WWOX: variants seen among roughly 807,000 people sequenced by gnomAD.
WWOX encodes the protein WW domain containing oxidoreductase.
WWOX carries 69 observed loss-of-function variants against 46.2 expected under a neutral mutation model. The ratio of observed to expected loss-of-function variants is 1.49; its 90% CI spans 1.23 to 1.82. The LOEUF (loss-of-function observed/expected upper bound fraction) is 1.82, where lower values mean the gene tolerates loss of function less well. Among genes scored for constraint, WWOX ranks in the 40% most tolerant of loss-of-function variants. The pLI, the probability that WWOX is intolerant of heterozygous loss-of-function variation, is 0.00. For synonymous variants in WWOX, 359 were observed against 202.6 expected (o/e 1.77, Z -6.56); for missense variants, 919 against 542.6 (o/e 1.69, Z -6.89).
chr16:78,261,734 CCA>C (rs2079237502), intron 5 of WWOX, among the ~76,000 whole-genome samples: 1 of 138,870 alleles, frequency 7.2e-6, no homozygotes, highest in Non-Finnish European at 1.5e-5. Flanking sequence ...GGCCCATTTG[CCA>C]TGTGTGTGTG....
At chr16:78,143,267 C>T (rs576434613) in intron 4 of WWOX, among the ~76,000 whole-genome samples, 6 of 152,218 alleles carry the variant, frequency 3.9e-5, no homozygotes, top group Non-Finnish European at 5.9e-5. Context: ...GGTTGTCATC[C>T]ACATGGGTTC....
chr16:78,569,816 C>T (rs2044668229), intron 8 of WWOX, among the ~76,000 whole-genome samples: 1 of 152,160 alleles, frequency 6.6e-6, no homozygotes, highest in Non-Finnish European at 1.5e-5. Flanking sequence ...TCTTTGGGAG[C>T]TGCTAATAAA....
intron 8 of WWOX, among the ~76,000 whole-genome samples, chr16:79,051,937 C>T (rs1368417011): frequency 6.6e-6 from 1 of 152,210 alleles, no homozygotes; most frequent in African/African-American, 2.4e-5. Context: ...TGTTCCTCTT[C>T]CTTATTTGAA....
chr16:78,416,983 G>C (rs1172379735), intron 6 of WWOX, among the ~76,000 whole-genome samples: 1 of 151,704 alleles, frequency 6.6e-6, no homozygotes, highest in Non-Finnish European at 1.5e-5. Flanking sequence ...ATTTCAGGGA[G>C]CTTATGTAAG....
intron 8 of WWOX, among the ~76,000 whole-genome samples, chr16:78,921,773 C>T (rs539492638): frequency 1.5e-3 from 228 of 152,272 alleles, no homozygotes; most frequent in African/African-American, 4.9e-3. Flanking sequence ...AGTTAGAAGG[C>T]ATGATGCCCA....
intron 6 of WWOX, among the ~76,000 whole-genome samples, chr16:78,411,464 C>T (rs1412536173): frequency 1.3e-5 from 2 of 152,048 alleles, no homozygotes; most frequent in Admixed American, 6.6e-5. Flanking sequence ...AATAAAGACC[C>T]AGACTTAATC....
intron 8 of WWOX, among the ~76,000 whole-genome samples, chr16:78,885,540 T>C (rs1021871730): frequency 7.9e-5 from 12 of 152,222 alleles, no homozygotes; most frequent in African/African-American, 2.9e-4. Flanking sequence ...TATGGGCAGA[T>C]TGTGAGAAAT....
rs1205844447 is a variant in WWOX at position 78,819,613 on chromosome 16, C to T, written c.1056+386861C>T. ...AGCCCTGTTTTGCAAGGAGCAGCAC[C>T]TCTGCTCCTGTTGTACACTGTCCCT... On this transcript the variant is annotated intron_variant, in intron 8 of 8. Transcript: ENST00000566780. Among the ~76,000 whole-genome samples, 16 of 139,378 alleles carry T rather than the reference C, an allele frequency of 1.1e-4. No homozygotes were observed. The South Asian group carries it at 3.6e-3, about 31-fold the overall frequency. 91.4% of individuals were successfully genotyped at this position (139,378 alleles called of 152,430 possible). A position where few individuals can be genotyped will look rare whatever the true frequency, so the allele number is the denominator to read the frequency against.
chr16:78,840,184 G>A (rs896816926), intron 8 of WWOX, among the ~76,000 whole-genome samples: 1 of 152,154 alleles, frequency 6.6e-6, no homozygotes, highest in African/African-American at 2.4e-5. Flanking sequence ...GTGTGTACTT[G>A]TGGAATAATT....
chr16:78,822,669 T>A (rs76758593), intron 8 of WWOX, among the ~76,000 whole-genome samples: 1 of 152,128 alleles, frequency 6.6e-6, no homozygotes, highest in East Asian at 1.9e-4. Context: ...CTTTCCATGA[T>A]GAGAGTTACA....
At chr16:78,749,107 C>G (rs1049841554) in intron 8 of WWOX, among the ~76,000 whole-genome samples, 2 of 152,060 alleles carry the variant, frequency 1.3e-5, no homozygotes, top group Non-Finnish European at 2.9e-5. Flanking sequence ...GTTGGTGGAC[C>G]GAGGCTATGG....
At chr16:78,419,063 T>C (rs2082864759) in intron 6 of WWOX, among the ~76,000 whole-genome samples, 1 of 152,160 alleles carries the variant, frequency 6.6e-6, no homozygotes, top group Non-Finnish European at 1.5e-5. Flanking sequence ...AGAAAGGTAC[T>C]TAAAAAATAT....
chr16:78,970,180 C>G (rs2046442877), intron 8 of WWOX, among the ~76,000 whole-genome samples: 1 of 152,160 alleles, frequency 6.6e-6, no homozygotes, highest in Non-Finnish European at 1.5e-5. Flanking sequence ...ACACATCCTC[C>G]TGCTGTTAAT....
chr16:78,378,062 G>C (rs778336015), intron 5 of WWOX, among the ~76,000 whole-genome samples: 5 of 152,038 alleles, frequency 3.3e-5, no homozygotes, highest in Admixed American at 1.3e-4. Context: ...TGATTTGAAG[G>C]TTAGGAATGG....
chr16:79,119,853 A>G (rs760249939), intron 8 of WWOX, among the ~76,000 whole-genome samples: 7 of 152,176 alleles, frequency 4.6e-5, no homozygotes, highest in Non-Finnish European at 1.0e-4. Flanking sequence ...AGCAAACAAG[A>G]CATAGGGTTT....
At chr16:78,319,115 G>A (rs567920425) in intron 5 of WWOX, among the ~76,000 whole-genome samples, 13 of 152,242 alleles carry the variant, frequency 8.5e-5, no homozygotes, top group African/African-American at 3.1e-4. Flanking sequence ...GAGTCAGGCA[G>A]TGAGATGGCA....
At chr16:79,153,224 G>A (rs937150512) in intron 8 of WWOX, among the ~76,000 whole-genome samples, 4 of 152,100 alleles carry the variant, frequency 2.6e-5, no homozygotes, top group South Asian at 2.1e-4. Context: ...AGTGGCTTGC[G>A]AAAAGATTCC....
intron 8 of WWOX, among the ~76,000 whole-genome samples, chr16:79,050,163 G>A (rs781703969): frequency 7.9e-5 from 12 of 152,200 alleles, no homozygotes; most frequent in South Asian, 2.1e-4. Flanking sequence ...TCTCACGTGT[G>A]TGTGGGGTTC....
intron 5 of WWOX, among the ~76,000 whole-genome samples, chr16:78,375,331 C>G (rs2081793391): frequency 2.6e-5 from 4 of 152,192 alleles, no homozygotes; most frequent in Non-Finnish European, 5.9e-5. Flanking sequence ...AGGAGAAATG[C>G]CTGAGTTTCC....
Sources: gnomAD v4.1 joint callset for allele counts (sites outside exome capture counted in the v4.1 genomes callset) on GRCh38, gnomAD v4.1.1 for gene constraint, MANE v1.5 for transcripts, NCBI Gene and HGNC (gene_info 2026-07-23, HGNC 2026-07-21) for gene names.